The following CEMIP2 variants were observed in gnomAD, a reference collection of about 807,000 sequenced individuals.
CEMIP2 encodes cell surface hyaluronidase CEMIP2.
CEMIP2 carries 79 observed loss-of-function variants against 146.9 expected under a neutral mutation model. That is an observed-to-expected ratio of 0.54 (90% CI 0.45 to 0.65). The LOEUF is 0.65. Among genes scored for constraint, CEMIP2 ranks in the 30% least tolerant of loss-of-function variants. The pLI is 0.00. For missense variants in CEMIP2, 1,596 were observed against 1,696.2 expected (o/e 0.94, Z 1.04); for synonymous variants, 601 against 606.3 (o/e 0.99, Z 0.13).
At position 71,690,175 on chromosome 9, in the gene CEMIP2, T is replaced by C; in HGVS notation, c.3768A>G (p.Pro1256=). The change falls in exon 22 of 24, where the codon CCA becomes CCG. Residue 1256 remains proline (P), a synonymous_variant. Transcript: ENST00000377044. ...LLLVVDPCSV[P]FRLTEKTVFP... ...AAACCGTTTTTTCCGTCAAGCGGAATGGAACGCTGCACGGATCCACAACAA... is the reference window on the plus strand; with the variant it reads ...AAACCGTTTTTTCCGTCAAGCGGAACGGAACGCTGCACGGATCCACAACAA... The C allele has an allele frequency of 1.2e-6, 2 of 1,614,196 alleles. No individual in the cohort carries two copies. The highest frequency in any genetic ancestry group is 1.7e-6 in the Non-Finnish European group (2 of 1,180,028).
Position 71,700,649 on chromosome 9 carries a change from T to A in CEMIP2, c.3370A>T (p.Ser1124Cys). The A allele has an allele frequency of 6.3e-7, 1 of 1,599,176 alleles. No homozygotes were observed. Among genetic ancestry groups the A allele is most frequent in the Non-Finnish European group, 8.5e-7 (1 of 1,174,326 alleles). ...CTGGTTTCACTGAATTACCCCGTGCTGGAGTCAAAATAGAATTTCCTCTCG... is the reference window on the plus strand; with the variant it reads ...CTGGTTTCACTGAATTACCCCGTGCAGGAGTCAAAATAGAATTTCCTCTCG... ...QSERKFYFDSSTGLLFLYLKA... is the reference protein window; with the variant it reads ...QSERKFYFDSCTGLLFLYLKA... Residue 1124 changes from serine to cysteine, a missense_variant, in exon 19 of 24, where the codon AGC (serine) becomes TGC (cysteine). Transcript: ENST00000377044.
intron 4 of CEMIP2, among the ~76,000 whole-genome samples, chr9:71,742,872 G>T (rs1823961912): frequency 6.6e-6 from 1 of 152,102 alleles, no homozygotes; most frequent in Non-Finnish European, 1.5e-5. Context: ...CACTCAGATG[G>T]CCACCAATAA....
chr9:71,698,719 C>A (rs1461012976), intron 19 of CEMIP2, among the ~76,000 whole-genome samples: 1 of 152,150 alleles, frequency 6.6e-6, no homozygotes, highest in Non-Finnish European at 1.5e-5. Flanking sequence ...GCAGATGGAC[C>A]TGGGTTCCTT....
intron 18 of CEMIP2, among the ~76,000 whole-genome samples, chr9:71,702,433 G>A (rs2131884757): frequency 6.6e-6 from 1 of 151,684 alleles, no homozygotes; most frequent in South Asian, 2.1e-4. Flanking sequence ...AAATGTTCAT[G>A]GGGTAAGGGG....
chr9:71,716,351 GA>G (rs5898225), intron 14 of CEMIP2, among the ~76,000 whole-genome samples, 165 bp downstream of exon 14: 98,821 of 148,296 alleles, frequency 0.67, 33,052 homozygotes, highest in Non-Finnish European at 0.73. Flanking sequence ...AATTAATCCA[GA>G]AAAAAAAAAA....
intron 7 of CEMIP2, among the ~76,000 whole-genome samples, chr9:71,731,861 TAATAG>T (rs1213872284): frequency 6.6e-6 from 1 of 152,154 alleles, no homozygotes; most frequent in African/African-American, 2.4e-5. Flanking sequence ...TAGTATATAT[TAATAG>T]AATACTGCCT....
intron 22 of CEMIP2, chr9:71,687,537 G>T (rs1563990415): frequency 6.6e-6 from 1 of 150,634 alleles, no homozygotes; most frequent in Non-Finnish European, 1.5e-5. Flanking sequence ...AATCAGAAAT[G>T]TTCTTGGCCA....
rs370161963 is a variant in CEMIP2 at position 71,744,380 on chromosome 9, A to T, written c.1034+638T>A. Among the ~76,000 whole-genome samples, 4 of 152,236 alleles carry T rather than the reference A, an allele frequency of 2.6e-5. No individual in the cohort carries two copies. The East Asian group carries it at 5.8e-4, about 22-fold the overall frequency. On this transcript the variant is annotated intron_variant, in intron 4 of 23. Coordinates refer to ENST00000377044, the MANE Select transcript of CEMIP2 (RefSeq NM_013390.3). ...ACGGGGCAAGACCCTGTCACTAAAAATAAAAATAAAAGGAATAGGGTACAA... is the reference window on the plus strand; with the variant it reads ...ACGGGGCAAGACCCTGTCACTAAAATTAAAAATAAAAGGAATAGGGTACAA...
chr9:71,759,308 GAAAAA>G (rs138377205), intron 1 of CEMIP2, among the ~76,000 whole-genome samples: 7 of 150,424 alleles, frequency 4.7e-5, no homozygotes, highest in Admixed American at 2.7e-4. Context: ...CTTCCTTAAA[GAAAAA>G]AAAAATCTTG....
chr9:71,750,196 A>T lies in CEMIP2; in HGVS notation c.178T>A (p.Phe60Ile). Residue 60 changes from phenylalanine to isoleucine, a missense_variant, in exon 2 of 24, where the codon TTC becomes ATC. By Grantham distance (21) the Phe-to-Ile change is conservative. Coordinates refer to ENST00000377044, the MANE Select transcript of CEMIP2 (RefSeq NM_013390.3). Reference protein sequence around the residue: ...TSIRREDRATFAFSPEEQQAQ... With the variant: ...TSIRREDRATIAFSPEEQQAQ... ...TGCTGTTCTTCAGGTGAGAATGCGA[A>T]GGTTGCCCGGTCTTCTCGTCTGATG... 6.2e-7 allele frequency: 1 copy of T among 1,614,170 alleles called. No homozygotes were observed. Among genetic ancestry groups the T allele is most frequent in the Non-Finnish European group, 8.5e-7 (1 of 1,180,018 alleles).
At chr9:71,769,031 TCAGCGCCACTCGCTGCCGCGCGCTGGAA>T (rs1330321663), upstream of CEMIP2, 2 of 152,082 alleles carry the variant, frequency 1.3e-5, no homozygotes, top group East Asian at 2.0e-4. Context: ...AAGCGGAGGC[TCAGCGCCACTCGCTGCCGCGCGCTGGAA>T]CAGCGCCCGA....
At chr9:71,709,184 G>A (rs1822834993) in intron 17 of CEMIP2, 75 bp downstream of exon 17, 1 of 1,362,558 alleles carries the variant, frequency 7.3e-7, no homozygotes, top group Non-Finnish European at 1.0e-6. Flanking sequence ...CTGAAAAGCT[G>A]AAGAGTACTT....
At chr9:71,746,480 C>A in intron 2 of CEMIP2, 139 bp from the exon 3 acceptor site, 6 of 891,624 alleles carry the variant, frequency 6.7e-6, no homozygotes, top group Non-Finnish European at 1.0e-5. Context: ...GAATGGAAAT[C>A]CCACGCCTTC....
chr9:71,737,029 G>A (rs1208186298), intron 5 of CEMIP2, among the ~76,000 whole-genome samples: 1 of 151,776 alleles, frequency 6.6e-6, no homozygotes, highest in Non-Finnish European at 1.5e-5. Context: ...ACTTAGCCAG[G>A]TGTGGTGGTG....
At chr9:71,715,168 TG>T in intron 14 of CEMIP2, 79 bp from the exon 15 acceptor site, 1 of 1,491,598 alleles carries the variant, frequency 6.7e-7, no homozygotes, top group Non-Finnish European at 9.0e-7. Flanking sequence ...ATGCTATAAC[TG>T]AAAAGCTAAA....
chr9:71,753,072 G>GA (rs2132025837), intron 1 of CEMIP2, among the ~76,000 whole-genome samples: 1 of 152,264 alleles, frequency 6.6e-6, no homozygotes, highest in South Asian at 2.1e-4. Context: ...TGGAACAAAT[G>GA]AAAGAGTACA....
rs1346528313 is a variant in CEMIP2, at chr9:71,730,114, G to C, written c.1913C>G (p.Ser638Cys). The change falls in exon 9 of 24, where the codon TCC (serine) becomes TGC (cysteine). Residue 638 changes from serine to cysteine, a missense_variant. Coordinates refer to ENST00000377044, the MANE Select transcript of CEMIP2 (RefSeq NM_013390.3). Reference sequence around the variant, plus strand: ...TTTATCTCGCATGGTGGTACACATGGAGTTGTTCCTATCGGTGGGCAGGAG... The same window carrying C: ...TTTATCTCGCATGGTGGTACACATGCAGTTGTTCCTATCGGTGGGCAGGAG... The part of the protein sequence containing the change: ...GTLLPTDRNN[S>C]MCTTMRDKVF... 6.2e-7 allele frequency: 1 copy of C among 1,614,170 alleles called. No homozygotes were observed. Among genetic ancestry groups the C allele is most frequent in the South Asian group, 1.1e-5 (1 of 91,080 alleles).
intron 1 of CEMIP2, among the ~76,000 whole-genome samples, chr9:71,759,192 G>A (rs888548149): frequency 2.0e-5 from 3 of 152,048 alleles, no homozygotes; most frequent in Non-Finnish European, 2.9e-5. Context: ...CTATTTGATC[G>A]ATTTAGACAC....
intron 1 of CEMIP2, among the ~76,000 whole-genome samples, chr9:71,758,073 C>T (rs1464960043): frequency 1.3e-5 from 2 of 152,050 alleles, no homozygotes; most frequent in Admixed American, 1.3e-4. Flanking sequence ...ATTCTATTCC[C>T]AGAGCACACA....
Sources: allele counts gnomAD v4.1 joint callset (sites outside exome capture counted in the v4.1 genomes callset), GRCh38; gene constraint gnomAD v4.1.1; transcripts MANE v1.5; gene names NCBI Gene and HGNC (gene_info 2026-07-23, HGNC 2026-07-21).